The following CDH12 variants were observed in gnomAD, a reference collection of about 807,000 sequenced individuals.
CDH12 encodes cadherin-12.
Under a neutral mutation model 74.1 loss-of-function variants are expected in CDH12, and 41 were observed. The observed-to-expected ratio is 0.55, with a 90% CI of 0.43 to 0.72. The LOEUF (loss-of-function observed/expected upper bound fraction) is 0.72. CDH12 is among the 30% of genes least tolerant of loss of function. The pLI is 0.00. For missense variants in CDH12, 945 were observed against 977.2 expected (o/e 0.97, Z 0.44); for synonymous variants, 399 against 355.0 (o/e 1.12, Z -1.39).
chr5:22,515,508 T>A (rs1395500935), intron 1 of CDH12, among the ~76,000 whole-genome samples: 1 of 152,088 alleles, frequency 6.6e-6, no homozygotes, highest in Non-Finnish European at 1.5e-5. Flanking sequence ...TAATTCTACA[T>A]AGTTGACATT....
intron 6 of CDH12, among the ~76,000 whole-genome samples, chr5:21,886,644 CT>C (rs534585720): frequency 2.7e-5 from 4 of 149,572 alleles, no homozygotes; most frequent in African/African-American, 4.9e-5. Context: ...GAATATGCTT[CT>C]TTTTTTCCAT....
Position 21,783,349 on chromosome 5 carries a change from C to A in CDH12, c.1393+9G>T. 6.2e-7 allele frequency: 1 copy of A among 1,610,670 alleles called. No homozygotes were observed. The highest frequency in any genetic ancestry group is 8.5e-7 in the Non-Finnish European group (1 of 1,177,594). ...AGTATAACATTGATTCTGTCCATGC[C>A]ATACTTACTAACTTTACTCGCAATT... On this transcript the variant is annotated intron_variant, in intron 11 of 14. Coordinates refer to ENST00000382254, the MANE Select transcript of CDH12 (RefSeq NM_004061.5).
At chr5:22,387,632 C>A (rs1051919282) in intron 3 of CDH12, among the ~76,000 whole-genome samples, 1 of 152,102 alleles carries the variant, frequency 6.6e-6, no homozygotes, top group African/African-American at 2.4e-5. Context: ...TAAAGTGGTA[C>A]CTGCCTCAGA....
chr5:21,958,021 G>C (rs184795706), intron 6 of CDH12, among the ~76,000 whole-genome samples: 3,740 of 152,018 alleles, frequency 0.025, 62 homozygotes, highest in Non-Finnish European at 0.038. Flanking sequence ...GGAGGTAATT[G>C]AATCTGGGGG....
intron 1 of CDH12, among the ~76,000 whole-genome samples, chr5:22,812,470 C>A (rs764403729): frequency 1.3e-5 from 2 of 152,142 alleles, no homozygotes; most frequent in African/African-American, 2.4e-5. Context: ...GATAGCAGAG[C>A]ATTAAGCCAA....
intron 6 of CDH12, among the ~76,000 whole-genome samples, chr5:21,916,019 T>C (rs1754077750): frequency 6.6e-6 from 1 of 152,076 alleles, no homozygotes; most frequent in South Asian, 2.1e-4. Context: ...AAAAAAGCAA[T>C]GTGCCAATGG....
chr5:21,915,903 G>GA (rs1209027531), intron 6 of CDH12, among the ~76,000 whole-genome samples: 1 of 146,482 alleles, frequency 6.8e-6, no homozygotes, highest in Non-Finnish European at 1.5e-5. Flanking sequence ...GTTAGGAAAG[G>GA]AAAAAAAATA....
chr5:22,252,971 G>A (rs1277889352), intron 3 of CDH12, among the ~76,000 whole-genome samples: 1 of 151,838 alleles, frequency 6.6e-6, no homozygotes, highest in East Asian at 1.9e-4. Context: ...TCCCACAGTA[G>A]AATAAAATTT....
At chr5:21,939,142 G>A (rs1755213678) in intron 6 of CDH12, among the ~76,000 whole-genome samples, 1 of 151,192 alleles carries the variant, frequency 6.6e-6, no homozygotes, top group Non-Finnish European at 1.5e-5. Flanking sequence ...AAAGAAAAAA[G>A]CATTGTACAA....
In CDH12 at chr5:22,707,965, C is replaced by T. The variant is rs556071434; in HGVS notation, c.-523+145093G>A. On this transcript the variant is annotated intron_variant, in intron 1 of 14. Transcript: ENST00000382254. Reference sequence around the variant, plus strand: ...GTTTTTCTTCAGTTTCTAATCGGCTCTATAACATTGATACAGTAAAGCCAA... The same window carrying T: ...GTTTTTCTTCAGTTTCTAATCGGCTTTATAACATTGATACAGTAAAGCCAA... Among the ~76,000 whole-genome samples the T allele has an allele frequency of 1.8e-4, 27 of 152,184 alleles. No individual in the cohort carries two copies. In the South Asian group the frequency reaches 4.4e-3, roughly 25 times the overall value.
At chr5:21,938,723 C>CATATATAT (rs545475183) in intron 6 of CDH12, among the ~76,000 whole-genome samples, 2,396 of 111,948 alleles carry the variant, frequency 0.021, 113 homozygotes, top group African/African-American at 0.057. Context: ...ATATAATATA[C>CATATATAT]ATATATATAT....
At chr5:22,260,092 T>A (rs973735633) in intron 3 of CDH12, among the ~76,000 whole-genome samples, 2 of 152,074 alleles carry the variant, frequency 1.3e-5, no homozygotes, top group African/African-American at 4.8e-5. Context: ...AATTATCCTT[T>A]ACAATTGGAT....
intron 1 of CDH12, among the ~76,000 whole-genome samples, chr5:22,775,355 T>C (rs1027458596): frequency 1.7e-4 from 26 of 152,068 alleles, no homozygotes; most frequent in Admixed American, 1.3e-3. Context: ...GTCCATAACA[T>C]TACCTTAGGC....
At chr5:22,717,132 TCCA>T (rs1371976724) in intron 1 of CDH12, among the ~76,000 whole-genome samples, 1 of 152,152 alleles carries the variant, frequency 6.6e-6, no homozygotes, top group Non-Finnish European at 1.5e-5. Flanking sequence ...TACAGTAGTG[TCCA>T]CGAATGTCCT....
chr5:22,556,408 C>T (rs1327539708), intron 1 of CDH12, among the ~76,000 whole-genome samples: 1 of 151,982 alleles, frequency 6.6e-6, no homozygotes, highest in Admixed American at 6.6e-5. Flanking sequence ...TCCACAGAAA[C>T]GTGAGAAAAG....
intron 3 of CDH12, among the ~76,000 whole-genome samples, chr5:22,341,980 C>T (rs777280177): frequency 2.0e-5 from 3 of 151,968 alleles, no homozygotes; most frequent in Non-Finnish European, 2.9e-5. Flanking sequence ...ACATTTCTCA[C>T]GGTTCTTGAG....
chr5:22,727,360 C>A (rs1009756202), intron 1 of CDH12, among the ~76,000 whole-genome samples: 1 of 151,620 alleles, frequency 6.6e-6, no homozygotes, highest in African/African-American at 2.4e-5. Context: ...ACCCTTTTTA[C>A]TCCTTCTATC....
At chr5:22,462,181 A>G (rs1745551273) in intron 2 of CDH12, among the ~76,000 whole-genome samples, 1 of 152,172 alleles carries the variant, frequency 6.6e-6, no homozygotes, top group Non-Finnish European at 1.5e-5. Flanking sequence ...AAGTCTGACA[A>G]ATAATATATC....
intron 1 of CDH12, among the ~76,000 whole-genome samples, chr5:22,639,589 C>G (rs1739035021): frequency 6.6e-6 from 1 of 152,028 alleles, no homozygotes; most frequent in South Asian, 2.1e-4. Context: ...GTTGGGCCAT[C>G]AAGAGTTCTG....
Sources: allele counts gnomAD v4.1 joint callset (sites outside exome capture counted in the v4.1 genomes callset), GRCh38; gene constraint gnomAD v4.1.1; transcripts MANE v1.5; gene names NCBI Gene and HGNC (gene_info 2026-07-23, HGNC 2026-07-21).